The following ERC2 variants were observed in gnomAD, a reference collection of about 807,000 sequenced individuals.
ERC2 encodes the protein ERC protein 2.
ERC2 carries 42 observed loss-of-function variants against 114.8 expected under a neutral mutation model. That is an observed-to-expected ratio of 0.37 (90% CI 0.29 to 0.47). The LOEUF is 0.47. Ranked by LOEUF, ERC2 falls within the 20% of genes least tolerant of loss-of-function variation. The pLI, the probability that ERC2 is intolerant of heterozygous loss-of-function variation, is 0.99. For missense variants in ERC2, 939 were observed against 1,150.7 expected, an observed-to-expected ratio of 0.82 and a Z score of 2.66; for synonymous variants, 454 against 425.5, an observed-to-expected ratio of 1.07 and a Z score of -0.82.
chr3:56,082,370 A>G (rs933838456), intron 6 of ERC2, among the ~76,000 whole-genome samples: 1 of 152,152 alleles, frequency 6.6e-6, no homozygotes. Context: ...TTGATCTCTC[A>G]TCAGACAAGA....
chr3:55,630,620 C>T (rs1226748770), intron 17 of ERC2, among the ~76,000 whole-genome samples: 12 of 152,200 alleles, frequency 7.9e-5, no homozygotes, highest in African/African-American at 2.7e-4. Context: ...CCTTCTGAGA[C>T]CTCCTCATGT....
intron 17 of ERC2, among the ~76,000 whole-genome samples, chr3:55,630,849 C>G (rs1448923449): frequency 6.6e-6 from 1 of 152,004 alleles, no homozygotes; most frequent in Non-Finnish European, 1.5e-5. Context: ...AGTAAATACC[C>G]AGAGTATCCG....
intron 13 of ERC2, among the ~76,000 whole-genome samples, chr3:55,924,428 T>G (rs759466540): frequency 6.6e-6 from 1 of 152,164 alleles, no homozygotes; most frequent in East Asian, 1.9e-4. Context: ...AGACCATAGT[T>G]GGCCAACCAG....
At chr3:56,290,364 G>A (rs1202843058) in intron 3 of ERC2, among the ~76,000 whole-genome samples, 4 of 152,154 alleles carry the variant, frequency 2.6e-5, no homozygotes, top group Non-Finnish European at 5.9e-5. Context: ...GAATACTGAT[G>A]GAATGTACTG....
At chr3:56,191,877 T>C (rs2047811740) in intron 3 of ERC2, among the ~76,000 whole-genome samples, 6 of 152,144 alleles carry the variant, frequency 3.9e-5, no homozygotes, top group Admixed American at 1.3e-4. Flanking sequence ...CACACACACC[T>C]GTGCACAAAT....
chr3:56,298,349 G>A (rs2150362126), intron 2 of ERC2, among the ~76,000 whole-genome samples: 1 of 152,112 alleles, frequency 6.6e-6, no homozygotes, highest in Admixed American at 6.5e-5. Context: ...CCTTTTTATG[G>A]CTGAATAATA....
chr3:55,785,118 G>T (rs966509648), intron 14 of ERC2, among the ~76,000 whole-genome samples: 10 of 152,152 alleles, frequency 6.6e-5, no homozygotes, highest in African/African-American at 2.2e-4. Flanking sequence ...ATTAGATATA[G>T]GCCTTGAAGG....
At chr3:56,461,819 A>T (rs74283990) in intron 1 of ERC2, among the ~76,000 whole-genome samples, 9,088 of 152,326 alleles carry the variant, frequency 0.06, 505 homozygotes, top group East Asian at 0.3. Context: ...CTGAGGGTCC[A>T]GATAAATTTT....
At chr3:56,200,289 A>G (rs1202847845) in intron 3 of ERC2, among the ~76,000 whole-genome samples, 1 of 151,560 alleles carries the variant, frequency 6.6e-6, no homozygotes, top group Non-Finnish European at 1.5e-5. Flanking sequence ...ATCACACAGA[A>G]TCCAGGACTA....
At chr3:55,889,270 TC>T (rs2063499050) in intron 13 of ERC2, among the ~76,000 whole-genome samples, 1 of 152,194 alleles carries the variant, frequency 6.6e-6, no homozygotes. Flanking sequence ...CTATTCAATG[TC>T]CAGGGAGCCT....
intron 12 of ERC2, chr3:55,955,248 T>TTGTGTGTGTGTGTG (rs60633794): frequency 3.9e-5 from 14 of 360,800 alleles, no homozygotes; most frequent in African/African-American, 2.2e-4. Context: ...GGTGGTGTGT[T>TTGTGTGTGTGTGTG]TGTGTGTGTG....
chr3:56,435,203 A>T, intron 1 of ERC2, 56 bp from the exon 2 acceptor site: 1 of 533,946 alleles, frequency 1.9e-6, no homozygotes. Context: ...CTCTAACTGC[A>T]TTGTATTTTT....
intron 9 of ERC2, among the ~76,000 whole-genome samples, chr3:56,009,685 T>C (rs1018128285): frequency 6.6e-6 from 1 of 152,082 alleles, no homozygotes; most frequent in Non-Finnish European, 1.5e-5. Context: ...GAGGATTAAA[T>C]AAAATAATGT....
At chr3:55,564,368 G>T (rs1371950279) in intron 17 of ERC2, among the ~76,000 whole-genome samples, 1 of 152,164 alleles carries the variant, frequency 6.6e-6, no homozygotes, top group East Asian at 1.9e-4. Context: ...ATGCTTCCCT[G>T]ATGCCCTCTA....
In ERC2 at chr3:56,139,512, A is replaced by T. The variant is rs781741348; in HGVS notation, c.1470T>A (p.Thr490=). The change falls in exon 6 of 18, where the codon ACT becomes ACA. Residue 490 remains threonine, a synonymous_variant. Transcript: ENST00000288221. ...AKEQRAAILQ[T]EVDALRLRLE... Reference sequence around the variant, plus strand: ...GAATCCTGAGAGAGTGCCTTACCTCAGTCTGAAGGATGGCAGCCCTCTGTT... The same window carrying T: ...GAATCCTGAGAGAGTGCCTTACCTCTGTCTGAAGGATGGCAGCCCTCTGTT... The T allele has an allele frequency of 8.7e-6, 14 of 1,611,064 alleles. No homozygotes were observed. In the East Asian group the frequency reaches 3.1e-4, roughly 36 times the overall value.
At chr3:56,210,171 A>C (rs765804021) in intron 3 of ERC2, among the ~76,000 whole-genome samples, 1 of 152,230 alleles carries the variant, frequency 6.6e-6, no homozygotes, top group Non-Finnish European at 1.5e-5. Flanking sequence ...CTGATAAATC[A>C]GACATAAAGA....
intron 17 of ERC2, among the ~76,000 whole-genome samples, chr3:55,602,818 T>G (rs2058467972): frequency 6.6e-6 from 1 of 152,156 alleles, no homozygotes; most frequent in Admixed American, 6.5e-5. Flanking sequence ...CCTTGCCAGC[T>G]CCAGAGAGGA....
At chr3:56,412,230 G>A (rs1444770342) in intron 2 of ERC2, among the ~76,000 whole-genome samples, 1 of 152,164 alleles carries the variant, frequency 6.6e-6, no homozygotes, top group Non-Finnish European at 1.5e-5. Flanking sequence ...AAAGGAGAGA[G>A]GTATGGAATG....
chr3:55,994,940 G>C (rs538068276), intron 10 of ERC2, among the ~76,000 whole-genome samples: 2 of 152,316 alleles, frequency 1.3e-5, no homozygotes, highest in South Asian at 4.1e-4. Flanking sequence ...GCTGAAGTTA[G>C]GTCATGTCAT....
Sources: gnomAD v4.1 joint callset for allele counts (sites outside exome capture counted in the v4.1 genomes callset) on GRCh38, gnomAD v4.1.1 for gene constraint, MANE v1.5 for transcripts, NCBI Gene and HGNC (gene_info 2026-07-23, HGNC 2026-07-21) for gene names.